EYS: variants seen among roughly 807,000 people sequenced by gnomAD.
EYS encodes protein eyes shut homolog.
A neutral mutation model predicts 282.1 loss-of-function variants in EYS; 250 were observed. The observed-to-expected ratio is 0.89, with a 90% CI of 0.80 to 0.98. The LOEUF (loss-of-function observed/expected upper bound fraction) is 0.98, where lower values mean the gene tolerates loss of function less well. Ranked by LOEUF, EYS falls within the 50% of genes least tolerant of loss-of-function variation. The pLI, the probability that EYS is intolerant of heterozygous loss-of-function variation, is 0.00. For synonymous variants in EYS, 1,355 were observed against 1,282.9 expected, an observed-to-expected ratio of 1.06 and a Z score of -1.20; for missense variants, 4,016 against 3,709.0, an observed-to-expected ratio of 1.08 and a Z score of -2.15.
At chr6:65,499,948 G>T (rs1352731597) in intron 2 of EYS, among the ~76,000 whole-genome samples, 1 of 151,796 alleles carries the variant, frequency 6.6e-6, no homozygotes, top group Non-Finnish European at 1.5e-5. Flanking sequence ...ACATAGTCAT[G>T]GCCCCATTTT....
rs990720429 is a variant in EYS, at chr6:64,912,644, A to G, written c.2481T>C (p.Ser827=). ...GACATACAAATTGTCCAGGGATGGT[A>G]GATTCATGACAAAGACCTCCATTCA... is the stretch of plus-strand genomic sequence containing the variant. The part of the protein sequence containing the change: ...PCMNGGLCHE[S]TIPGQFVCLC... The change falls in exon 16 of 43, where the codon TCT becomes TCC. Residue 827 remains serine, a synonymous_variant. Coordinates refer to ENST00000503581, the MANE Select transcript of EYS (RefSeq NM_001142800.2). 8 of 1,549,920 alleles carry G rather than the reference A, an allele frequency of 5.2e-6. No homozygotes were observed. Among genetic ancestry groups the G allele is most frequent in the Non-Finnish European group, 6.1e-6 (7 of 1,145,748 alleles).
intron 11 of EYS, among the ~76,000 whole-genome samples, chr6:65,301,302 T>G (rs1371828680): frequency 6.6e-6 from 1 of 152,336 alleles, no homozygotes; most frequent in African/African-American, 2.4e-5. Flanking sequence ...GAGACCATCC[T>G]GGCTAACACG....
chr6:63,974,624 T>C (rs562798503), intron 35 of EYS, among the ~76,000 whole-genome samples: 1 of 152,088 alleles, frequency 6.6e-6, no homozygotes, highest in Non-Finnish European at 1.5e-5. Flanking sequence ...AAATATGATA[T>C]AAAAAATATG....
chr6:63,807,388 T>C (rs191090406), intron 36 of EYS, among the ~76,000 whole-genome samples: 1 of 152,320 alleles, frequency 6.6e-6, no homozygotes, highest in African/African-American at 2.4e-5. Context: ...AGAAATATAC[T>C]CACTCTGGTA....
intron 12 of EYS, among the ~76,000 whole-genome samples, chr6:65,280,074 G>C (rs1562069116): frequency 6.6e-6 from 1 of 152,082 alleles, no homozygotes; most frequent in Admixed American, 6.6e-5. Context: ...TAAAGTACTG[G>C]ATAAAAGAAG....
chr6:64,864,675 T>G (rs1324965574), intron 19 of EYS, among the ~76,000 whole-genome samples: 1 of 151,296 alleles, frequency 6.6e-6, no homozygotes, highest in Non-Finnish European at 1.5e-5. Flanking sequence ...TGAGCCACTG[T>G]GTCTGGCCCA....
intron 33 of EYS, among the ~76,000 whole-genome samples, chr6:64,062,289 A>G (rs1236741046): frequency 1.3e-5 from 2 of 152,230 alleles, no homozygotes; most frequent in Non-Finnish European, 2.9e-5. Context: ...AGGGACATCC[A>G]CAATGACAGG....
At position 64,418,150 on chromosome 6, in the gene EYS, C is replaced by A. The variant is rs6454831; in HGVS notation, c.5927+18024G>T. On this transcript the variant is annotated intron_variant, in intron 28 of 42. Coordinates refer to ENST00000503581, the MANE Select transcript of EYS (RefSeq NM_001142800.2). Reference sequence around the variant, plus strand: ...CCCTACCCAACTCTTCCTATTATCTCCAATCCAGGTCTCAAACAGAAGAGG... The same window carrying A: ...CCCTACCCAACTCTTCCTATTATCTACAATCCAGGTCTCAAACAGAAGAGG... Among the ~76,000 whole-genome samples the A allele has an allele frequency of 4.0e-3, 614 of 152,136 alleles. 7 individuals carry two copies. The highest frequency in any genetic ancestry group is 0.014 in the African/African-American group (586 of 41,484).
intron 5 of EYS, among the ~76,000 whole-genome samples, chr6:65,470,896 TG>T (rs1765184945): frequency 6.6e-6 from 1 of 151,976 alleles, no homozygotes; most frequent in African/African-American, 2.4e-5. Context: ...AAGGATGGCT[TG>T]GGAGGCTGAG....
intron 33 of EYS, among the ~76,000 whole-genome samples, chr6:64,017,113 G>A (rs1460889074): frequency 1.3e-5 from 2 of 151,852 alleles, no homozygotes; most frequent in Non-Finnish European, 2.9e-5. Context: ...TGAGTGCAAA[G>A]GCAAGGAGGG....
At chr6:64,813,615 T>C (rs985254700) in intron 21 of EYS, 38 bp from the exon 22 acceptor site, 2 of 1,277,490 alleles carry the variant, frequency 1.6e-6, no homozygotes, top group Non-Finnish European at 2.1e-6. Context: ...TGATTATTAG[T>C]ATAAGGTTGA....
At chr6:64,366,883 T>G (rs1257728043) in intron 29 of EYS, among the ~76,000 whole-genome samples, 1 of 152,074 alleles carries the variant, frequency 6.6e-6, no homozygotes, top group African/African-American at 2.4e-5. Context: ...GTTCTTTTAG[T>G]TGATTATGAC....
At chr6:64,786,188 AT>A (rs60974312) in intron 22 of EYS, among the ~76,000 whole-genome samples, 35,361 of 141,204 alleles carry the variant, frequency 0.25, 4,658 homozygotes, top group East Asian at 0.46. Context: ...CTGGTTCTAC[AT>A]TTTTTTTTTT....
At chr6:63,789,257 T>C (rs931466183) in intron 37 of EYS, 33 bp from the exon 38 acceptor site, 12 of 1,539,548 alleles carry the variant, frequency 7.8e-6, no homozygotes, top group African/African-American at 4.1e-5. Context: ...GAATGCTCAC[T>C]GAGAGGAAAT....
intron 15 of EYS, among the ~76,000 whole-genome samples, chr6:64,925,648 A>G (rs980166793): frequency 5.9e-5 from 9 of 152,290 alleles, no homozygotes; most frequent in Non-Finnish European, 1.3e-4. Flanking sequence ...GCCAGATGGC[A>G]TGGTCACTAG....
At chr6:64,202,810 A>G (rs1486392541) in intron 31 of EYS, among the ~76,000 whole-genome samples, 2 of 152,198 alleles carry the variant, frequency 1.3e-5, no homozygotes, top group Non-Finnish European at 2.9e-5. Context: ...ATGAAGGCAG[A>G]GATTAGAGTT....
chr6:65,355,973 C>T (rs1764465018), intron 8 of EYS, among the ~76,000 whole-genome samples: 1 of 151,998 alleles, frequency 6.6e-6, no homozygotes, highest in African/African-American at 2.4e-5. Flanking sequence ...AATTGCACTA[C>T]CGGATATCTG....
At chr6:64,938,336 T>C (rs890049608) in intron 15 of EYS, among the ~76,000 whole-genome samples, 1 of 148,838 alleles carries the variant, frequency 6.7e-6, no homozygotes, top group Non-Finnish European at 1.5e-5. Context: ...ATAAGATATT[T>C]TGAGAGAGAG....
At chr6:64,653,383 A>G (rs1387169638) in intron 22 of EYS, among the ~76,000 whole-genome samples, 1 of 152,144 alleles carries the variant, frequency 6.6e-6, no homozygotes, top group African/African-American at 2.4e-5. Context: ...AGATACCTCT[A>G]TGTTCATGTA....
Sources: allele counts gnomAD v4.1 joint callset (sites outside exome capture counted in the v4.1 genomes callset), GRCh38; gene constraint gnomAD v4.1.1; transcripts MANE v1.5; gene names NCBI Gene and HGNC (gene_info 2026-07-23, HGNC 2026-07-21).